Variants in MARCHF9 observed in about 807,000 individuals in gnomAD.
MARCHF9 encodes the protein E3 ubiquitin-protein ligase MARCHF9.
MARCHF9 carries 17 observed loss-of-function variants against 35.2 expected under a neutral mutation model. That is an observed-to-expected ratio of 0.48 (90% CI 0.33 to 0.72). MARCHF9 has a LOEUF of 0.72. MARCHF9 is among the 30% of genes least tolerant of loss of function. The probability of loss-of-function intolerance (pLI) is 0.02; values close to 1 mark genes in which losing one functional copy is unlikely to be tolerated. For synonymous variants in MARCHF9, 183 were observed against 207.4 expected (o/e 0.88, Z 1.01); for missense variants, 386 against 478.2 (o/e 0.81, Z 1.80).
intron 2 of MARCHF9, 177 bp from the exon 3 acceptor site, chr12:57,757,931 C>G: frequency 1.4e-6 from 1 of 722,500 alleles, no homozygotes; most frequent in Non-Finnish European, 2.5e-6. Context: ...TAAAGTAAGA[C>G]AAATGGTGTC....
intron 2 of MARCHF9, 69 bp downstream of exon 2, chr12:57,757,153 A>T: frequency 3.5e-6 from 5 of 1,430,208 alleles, no homozygotes; most frequent in Non-Finnish European, 4.6e-6. Flanking sequence ...GGGACCCTCC[A>T]GGAAGCCTAT....
chr12:57,756,898 C>G (rs2140392797), intron 1 of MARCHF9, 31 bp from the exon 2 acceptor site: 1 of 1,469,606 alleles, frequency 6.8e-7, no homozygotes, highest in East Asian at 2.6e-5. Flanking sequence ...GTGGTGATGG[C>G]TGACAGGGCC....
chr12:57,758,058 T>C lies in MARCHF9; in HGVS notation c.514-50T>C, dbSNP rs1264732808. The C allele has an allele frequency of 6.2e-7, 1 of 1,608,666 alleles. No individual in the cohort carries two copies. Among genetic ancestry groups the C allele is most frequent in the African/African-American group, 1.3e-5 (1 of 74,938 alleles). Reference sequence around the variant, plus strand: ...CTGCTCTTCAGGGCCACCCATCACCTGGCCCTCCATCCCTTTCTGGGACTC... The same window carrying C: ...CTGCTCTTCAGGGCCACCCATCACCCGGCCCTCCATCCCTTTCTGGGACTC... On this transcript the variant is annotated intron_variant, in intron 2 of 3. Transcript: ENST00000266643. This position sits in a 1 kb window ranked among gnomAD's most constrained non-coding sequence, Gnocchi z 5.4.
Position 57,758,923 on chromosome 12 carries a change from G to C in MARCHF9, c.*26G>C, listed in dbSNP as rs537225222. 36 of 1,542,152 alleles carry C rather than the reference G, an allele frequency of 2.3e-5. No individual in the cohort carries two copies. In the East Asian group the frequency reaches 3.0e-4, roughly 13 times the overall value. ...ACTGGACTCCAGGAGCAGGGATCTT[G>C]AGTCAATGCATCAGTCAGAGAAGAA... On this transcript the variant is annotated 3_prime_UTR_variant, in exon 4 of 4. Transcript: ENST00000266643. The surrounding 1 kb of genome is among the most constrained non-coding windows in gnomAD (Gnocchi z 5.4).
intron 2 of MARCHF9, chr12:57,757,380 G>A (rs940005433): frequency 1.7e-4 from 39 of 232,556 alleles, no homozygotes; most frequent in South Asian, 3.0e-4. Context: ...AATGCTGGGC[G>A]CGGTGGCTCA....
rs1595113505 is a variant in MARCHF9 at position 57,755,327 on chromosome 12, G to A, written c.-202G>A. 3.5e-5 allele frequency: 2 copies of A among 56,514 alleles called. No homozygotes were observed. The highest frequency in any genetic ancestry group is 8.7e-4 in the East Asian group (2 of 2,288). 3.5% of individuals were successfully genotyped at this position (56,514 alleles called of 1,614,324 possible). On this transcript the variant is annotated 5_prime_UTR_variant, in exon 1 of 4. Coordinates refer to ENST00000266643, the MANE Select transcript of MARCHF9 (RefSeq NM_138396.6). ...CCTGGCCATGGCCGCCCACCCCGCC[G>A]CCCCCGGGCCGCCAGCCCGCTCGGC...
chr12:57,758,748 C>A lies in MARCHF9; in HGVS notation c.892C>A (p.Arg298Ser). 6.2e-7 allele frequency: 1 copy of A among 1,611,504 alleles called. No individual in the cohort carries two copies. Among genetic ancestry groups the A allele is most frequent in the Non-Finnish European group, 8.5e-7 (1 of 1,178,930 alleles). Residue 298 changes from arginine (R) to serine (S), a missense_variant, in exon 4 of 4, where the codon CGC becomes AGC. Physicochemically the swap from Arg to Ser is moderately radical, Grantham distance 110. This residue lies in a region of MARCHF9 where 111 missense variants were observed against 112.4 expected (regional missense o/e 0.99). Transcript: ENST00000266643. This position sits in a 1 kb window ranked among gnomAD's most constrained non-coding sequence, Gnocchi z 5.4. ...RTGPTSGATSRPPAAQRMRTL... is the reference protein window; with the variant it reads ...RTGPTSGATSSPPAAQRMRTL... ...GGGCCCCACCTCTGGGGCCACGAGCCGCCCCCCAGCTGCCCAGCGCATGCG... is the reference window on the plus strand; with the variant it reads ...GGGCCCCACCTCTGGGGCCACGAGCAGCCCCCCAGCTGCCCAGCGCATGCG...
In MARCHF9 at chr12:57,758,777, G is replaced by T. The variant is rs373416948; in HGVS notation, c.921G>T (p.Thr307=). The T allele has an allele frequency of 5.6e-6, 9 of 1,613,236 alleles. No homozygotes were observed. Among genetic ancestry groups the T allele is most frequent in the Middle Eastern group, 3.3e-4 (2 of 6,060 alleles). The change falls in exon 4 of 4, where the codon ACG becomes ACT. Residue 307 remains threonine, a synonymous_variant. Transcript: ENST00000266643. The surrounding 1 kb of genome is among the most constrained non-coding windows in gnomAD (Gnocchi z 5.4). ...SRPPAAQRMR[T]LLPQRCGYTI... is the part of the protein sequence containing the mutation. ...CCCCAGCTGCCCAGCGCATGCGGAC[G>T]CTCTTGCCTCAGCGCTGCGGTTATA...
At position 57,755,685 on chromosome 12, in the gene MARCHF9, G is replaced by A. The variant is rs1360816493; in HGVS notation, c.157G>A (p.Gly53Ser). The change falls in exon 1 of 4, where the codon GGC (glycine) becomes AGC (serine). Residue 53 changes from glycine (G) to serine (S), a missense_variant. Coordinates refer to ENST00000266643, the MANE Select transcript of MARCHF9 (RefSeq NM_138396.6). ...FAGCSTRDGD[G>S]DEEEYYGSEP... is the part of the protein sequence containing the mutation. ...TGGCTGCTCCACCCGGGACGGCGACGGCGACGAGGAGGAGTACTACGGGTC... is the reference window on the plus strand; with the variant it reads ...TGGCTGCTCCACCCGGGACGGCGACAGCGACGAGGAGGAGTACTACGGGTC... 24 of 1,280,076 alleles carry A rather than the reference G, an allele frequency of 1.9e-5. 1 individual carries two copies. The highest frequency in any genetic ancestry group is 1.5e-4 in the South Asian group (6 of 40,060). 79.3% of individuals were successfully genotyped at this position (1,280,076 alleles called of 1,614,324 possible).
At chr12:57,756,328 A>G (rs550685611) in intron 1 of MARCHF9, among the ~76,000 whole-genome samples, 1 of 152,032 alleles carries the variant, frequency 6.6e-6, no homozygotes, top group South Asian at 2.1e-4. Context: ...GCAACTTTCT[A>G]TCTCATTCTA....
In MARCHF9 at chr12:57,758,127, C is replaced by T. The variant is rs758508558; in HGVS notation, c.533C>T (p.Thr178Met). Residue 178 changes from threonine (T) to methionine (M), a missense_variant, in exon 3 of 4, where the codon ACG (threonine) becomes ATG (methionine). Physicochemically the swap from Thr to Met is moderately conservative, Grantham distance 81. Coordinates refer to ENST00000266643, the MANE Select transcript of MARCHF9 (RefSeq NM_138396.6). This position sits in a 1 kb window ranked among gnomAD's most constrained non-coding sequence, Gnocchi z 5.4. ...NPLQWQAISL[T>M]VIEKVQIAAI... ...ACACAGTGGCAGGCCATCTCCCTGA[C>T]GGTCATCGAGAAGGTCCAGATTGCT... The T allele has an allele frequency of 1.9e-6, 3 of 1,614,174 alleles. No homozygotes were observed. Among genetic ancestry groups the T allele is most frequent in the Non-Finnish European group, 2.5e-6 (3 of 1,180,034 alleles).
intron 1 of MARCHF9, among the ~76,000 whole-genome samples, chr12:57,756,559 G>A (rs188278494): frequency 8.3e-4 from 126 of 152,258 alleles, no homozygotes; most frequent in African/African-American, 2.9e-3. Context: ...GGTGGGGGAA[G>A]GAAAGCATGG....
rs1342810811 is a variant in MARCHF9, at chr12:57,758,310, CCT to C, written c.706+18_706+19del. ...GATGTCGTCTGCATAGGTGAGGGCA[CCT>C]CTCTCTCCTTTACCTGCTCTGTATC... On this transcript the variant is annotated intron_variant, in intron 3 of 3. Coordinates refer to ENST00000266643, the MANE Select transcript of MARCHF9 (RefSeq NM_138396.6). This position sits in a 1 kb window ranked among gnomAD's most constrained non-coding sequence, Gnocchi z 5.4. 6.2e-7 allele frequency: 1 copy of C among 1,600,696 alleles called. No homozygotes were observed. Among genetic ancestry groups the C allele is most frequent in the South Asian group, 1.1e-5 (1 of 90,608 alleles).
chr12:57,756,572 C>T (rs900804762), intron 1 of MARCHF9, among the ~76,000 whole-genome samples: 2 of 152,128 alleles, frequency 1.3e-5, no homozygotes, highest in Non-Finnish European at 2.9e-5. Flanking sequence ...AAGCATGGCT[C>T]AGAAGCTCTA....
chr12:57,757,630 G>A (rs1032018730), intron 2 of MARCHF9: 6 of 287,302 alleles, frequency 2.1e-5, no homozygotes, highest in Non-Finnish European at 3.9e-5. Context: ...CTGGGCAACA[G>A]AGCAAGACTC....
Position 57,758,069 on chromosome 12 carries a change from C to T in MARCHF9, c.514-39C>T. 1.2e-6 allele frequency: 2 copies of T among 1,613,120 alleles called. No homozygotes were observed. Among genetic ancestry groups the T allele is most frequent in the Non-Finnish European group, 1.7e-6 (2 of 1,179,158 alleles). On this transcript the variant is annotated intron_variant, in intron 2 of 3. Coordinates refer to ENST00000266643, the MANE Select transcript of MARCHF9 (RefSeq NM_138396.6). The surrounding 1 kb of genome is among the most constrained non-coding windows in gnomAD (Gnocchi z 5.4). Reference sequence around the variant, plus strand: ...GGCCACCCATCACCTGGCCCTCCATCCCTTTCTGGGACTCTTTGGAGCCCT... The same window carrying T: ...GGCCACCCATCACCTGGCCCTCCATTCCTTTCTGGGACTCTTTGGAGCCCT...
chr12:57,757,714 T>C, intron 2 of MARCHF9: 1 of 522,836 alleles, frequency 1.9e-6, no homozygotes, highest in South Asian at 2.9e-5. Context: ...TAGTGTTTTC[T>C]GTGTCAAGTT....
Position 57,757,038 on chromosome 12 carries a change from A to T in MARCHF9, c.467A>T (p.Tyr156Phe). 6.4e-7 allele frequency: 1 copy of T among 1,560,550 alleles called. No individual in the cohort carries two copies. Among genetic ancestry groups the T allele is most frequent in the Non-Finnish European group, 8.7e-7 (1 of 1,151,618 alleles). The change falls in exon 2 of 4, where the codon TAC (tyrosine) becomes TTC (phenylalanine). Residue 156 changes from tyrosine to phenylalanine, a missense_variant. By Grantham distance (22) the Tyr-to-Phe change is conservative (BLOSUM62 3). Coordinates refer to ENST00000266643, the MANE Select transcript of MARCHF9 (RefSeq NM_138396.6). The stretch of plus-strand genomic sequence containing the variant: ...GGCTCCTGGAGCTGTGAGCTCTGCT[A>T]CTTCAAGTACCAGGTCCTGGCGATC... The part of the protein sequence containing the change: ...ERGSWSCELC[Y>F]FKYQVLAIST...
In MARCHF9 at chr12:57,755,794, C is replaced by T; in HGVS notation, c.266C>T (p.Pro89Leu). Residue 89 changes from proline to leucine, a missense_variant, in exon 1 of 4, where the codon CCG becomes CTG. Physicochemically the swap from Pro to Leu is moderately conservative, Grantham distance 98. This residue lies in a region of MARCHF9 where 219 missense variants were observed against 316.2 expected (regional missense o/e 0.69). Coordinates refer to ENST00000266643, the MANE Select transcript of MARCHF9 (RefSeq NM_138396.6). ...CCGCCCGCGCCGCCGCTGCCGCCCC[C>T]GGGCGCGCTGGACGCCCTGTCGCTC... is the stretch of plus-strand genomic sequence containing the variant. ...LPPPAPPLPPPGALDALSLSS... is the reference protein window; with the variant it reads ...LPPPAPPLPPLGALDALSLSS... The T allele has an allele frequency of 7.6e-7, 1 of 1,314,772 alleles. No individual in the cohort carries two copies. The highest frequency in any genetic ancestry group is 9.7e-7 in the Non-Finnish European group (1 of 1,033,072). The allele number at this position is 1,314,772 out of a possible 1,614,324, so 81.4% of individuals were successfully genotyped here. A position where few individuals can be genotyped will look rare whatever the true frequency, so the allele number is the denominator to read the frequency against.
Sources: gnomAD v4.1 joint callset for allele counts (sites outside exome capture counted in the v4.1 genomes callset) on GRCh38, gnomAD v4.1.1 for gene constraint, gnomAD v4.1.1 regional missense constraint, Gnocchi (gnomAD v3.1) non-coding constraint, MANE v1.5 for transcripts, NCBI Gene and HGNC (gene_info 2026-07-23, HGNC 2026-07-21) for gene names.